Variants in PATJ observed in about 807,000 individuals in gnomAD.
PATJ encodes the protein inaD-like protein.
In PATJ, 190 loss-of-function variants were observed where a neutral mutation model predicts 224.9. The observed-to-expected ratio is 0.84, with a 90% CI of 0.75 to 0.95. The LOEUF (loss-of-function observed/expected upper bound fraction) is 0.95, where lower values mean the gene tolerates loss of function less well. Ranked by LOEUF, PATJ falls within the 40% of genes least tolerant of loss-of-function variation. The pLI, the probability that PATJ is intolerant of heterozygous loss-of-function variation, is 0.00. For missense variants in PATJ, 2,121 were observed against 2,270.3 expected, an observed-to-expected ratio of 0.93 and a Z score of 1.34; for synonymous variants, 769 against 820.3, an observed-to-expected ratio of 0.94 and a Z score of 1.07.
At chr1:61,896,260 C>T (rs927170693) in intron 22 of PATJ, among the ~76,000 whole-genome samples, 3 of 150,352 alleles carry the variant, frequency 2.0e-5, no homozygotes, top group African/African-American at 7.3e-5. Context: ...TGCACCACTG[C>T]ACTCCATCCT....
intron 17 of PATJ, among the ~76,000 whole-genome samples, chr1:61,850,571 T>C (rs905668504): frequency 6.6e-6 from 1 of 152,244 alleles, no homozygotes; most frequent in African/African-American, 2.4e-5. Flanking sequence ...TTATACACTT[T>C]GGTAAGATGA....
At chr1:61,777,504 G>A (rs1018402661) in intron 7 of PATJ, among the ~76,000 whole-genome samples, 1 of 151,950 alleles carries the variant, frequency 6.6e-6, no homozygotes, top group Non-Finnish European at 1.5e-5. Flanking sequence ...ACTCCATCCA[G>A]CCTGGGCGAC....
At chr1:61,843,586 C>T (rs1020151388) in intron 17 of PATJ, among the ~76,000 whole-genome samples, 3 of 151,780 alleles carry the variant, frequency 2.0e-5, no homozygotes, top group Admixed American at 6.6e-5. Context: ...ACCAAAAAAA[C>T]TTAGTCAGGC....
chr1:62,156,552 A>G (rs778891406), intron 43 of PATJ, among the ~76,000 whole-genome samples: 4 of 151,274 alleles, frequency 2.6e-5, no homozygotes, highest in Non-Finnish European at 5.9e-5. Context: ...TCCAATGTAA[A>G]TAATAGTTAT....
intron 38 of PATJ, among the ~76,000 whole-genome samples, chr1:62,122,303 G>A (rs1665155684): frequency 1.3e-5 from 2 of 148,716 alleles, no homozygotes; most frequent in Admixed American, 6.7e-5. Flanking sequence ...AGGCAGAGAT[G>A]GCAGTGAGCT....
At chr1:61,940,721 C>CA (rs547927537) in intron 27 of PATJ, among the ~76,000 whole-genome samples, 11,896 of 98,816 alleles carry the variant, frequency 0.12, 1,308 homozygotes, top group African/African-American at 0.3. Flanking sequence ...TCTCAAAAAA[C>CA]AAAAAAAAAA....
chr1:62,044,956 G>T (rs901459054), intron 30 of PATJ, among the ~76,000 whole-genome samples: 8 of 152,168 alleles, frequency 5.3e-5, no homozygotes, highest in Admixed American at 5.2e-4. Context: ...GGTGACTCAC[G>T]CCTGTAATCC....
At chr1:61,799,594 G>A (rs1652049493) in intron 11 of PATJ, among the ~76,000 whole-genome samples, 1 of 152,096 alleles carries the variant, frequency 6.6e-6, no homozygotes, top group Non-Finnish European at 1.5e-5. Flanking sequence ...AAATGTGCAT[G>A]TTTGTTACAT....
intron 26 of PATJ, among the ~76,000 whole-genome samples, chr1:61,917,515 A>T (rs1320838057): frequency 6.6e-6 from 1 of 152,166 alleles, no homozygotes; most frequent in Non-Finnish European, 1.5e-5. Flanking sequence ...AATGTAGTAA[A>T]TTATATTAAT....
chr1:61,853,850 T>C (rs926376140), intron 17 of PATJ, among the ~76,000 whole-genome samples: 4 of 152,158 alleles, frequency 2.6e-5, no homozygotes, highest in African/African-American at 9.7e-5. Context: ...GGGCTCTTTT[T>C]TACTTTTAAT....
intron 11 of PATJ, 72 bp from the exon 12 acceptor site, chr1:61,801,549 AAT>A: frequency 1.1e-6 from 1 of 886,736 alleles, no homozygotes; most frequent in Non-Finnish European, 1.6e-6. Context: ...TGCTCACTTA[AAT>A]ATAGTCCTCA....
chr1:61,756,563 CTTTTTTTTTTTT>C (rs370667808), intron 1 of PATJ, among the ~76,000 whole-genome samples: 10 of 65,624 alleles, frequency 1.5e-4, no homozygotes, highest in South Asian at 6.0e-4. Context: ...AACCAGGACA[CTTTTTTTTTTTT>C]TTTTTTTTTT....
chr1:62,146,234 G>A (rs886228508), intron 41 of PATJ, among the ~76,000 whole-genome samples: 7 of 152,078 alleles, frequency 4.6e-5, no homozygotes, highest in Non-Finnish European at 5.9e-5. Context: ...ACAATGGGGC[G>A]GAGAGAATGC....
At chr1:61,912,837 A>G (rs370090133) in intron 25 of PATJ, among the ~76,000 whole-genome samples, 12 of 152,190 alleles carry the variant, frequency 7.9e-5, no homozygotes, top group East Asian at 5.8e-4. Flanking sequence ...TAGTGTGGGC[A>G]GATAGTTTCT....
At chr1:61,939,122 C>CAAAAA (rs560139042) in intron 27 of PATJ, among the ~76,000 whole-genome samples, 2 of 57,482 alleles carry the variant, frequency 3.5e-5, no homozygotes, top group African/African-American at 6.8e-5. Flanking sequence ...GACTCCATCT[C>CAAAAA]AAAAAAAAAA....
chr1:61,946,488 A>T (rs1200692929), intron 27 of PATJ, among the ~76,000 whole-genome samples: 1 of 152,212 alleles, frequency 6.6e-6, no homozygotes, highest in Non-Finnish European at 1.5e-5. Flanking sequence ...AAATTCCTGG[A>T]CACATACACC....
intron 26 of PATJ, chr1:61,918,062 A>G (rs2149248525): frequency 6.6e-6 from 1 of 151,782 alleles, no homozygotes; most frequent in Admixed American, 6.6e-5. Context: ...AAAAAAAAAA[A>G]AAAGAAAAGA....
chr1:61,943,869 G>T (rs1678232470), intron 27 of PATJ, among the ~76,000 whole-genome samples: 1 of 152,130 alleles, frequency 6.6e-6, no homozygotes, highest in Non-Finnish European at 1.5e-5. Context: ...ACGGCTGGGT[G>T]CCCCTCTGAG....
chr1:62,002,505 G>A (rs1240763592), intron 28 of PATJ, among the ~76,000 whole-genome samples: 1 of 152,080 alleles, frequency 6.6e-6, no homozygotes, highest in East Asian at 1.9e-4. Flanking sequence ...TCAGGAGTTT[G>A]AGGCCAGCCT....
Sources: gnomAD v4.1 joint callset for allele counts (sites outside exome capture counted in the v4.1 genomes callset) on GRCh38, gnomAD v4.1.1 for gene constraint, MANE v1.5 for transcripts, NCBI Gene and HGNC (gene_info 2026-07-23, HGNC 2026-07-21) for gene names.